DNER: variants seen among roughly 807,000 people sequenced by gnomAD.
DNER encodes delta/notch like EGF repeat containing.
DNER carries 33 observed loss-of-function variants against 78.2 expected under a neutral mutation model. The observed-to-expected ratio is 0.42, with a 90% CI of 0.32 to 0.56. The LOEUF is 0.56. DNER is among the 20% of genes least tolerant of loss of function. The pLI is 0.11. For synonymous variants in DNER, 417 were observed against 384.8 expected, an observed-to-expected ratio of 1.08 and a Z score of -0.98; for missense variants, 918 against 975.3, an observed-to-expected ratio of 0.94 and a Z score of 0.78.
At chr2:229,710,191 C>T (rs1371572027) in intron 1 of DNER, among the ~76,000 whole-genome samples, 1 of 152,150 alleles carries the variant, frequency 6.6e-6, no homozygotes, top group Non-Finnish European at 1.5e-5. Flanking sequence ...CCTTTTTATT[C>T]CAGCTGAGCA....
chr2:229,609,963 T>G (rs78003892), intron 1 of DNER, among the ~76,000 whole-genome samples: 6,771 of 152,260 alleles, frequency 0.044, 455 homozygotes, highest in African/African-American at 0.15. Flanking sequence ...TTTTATCACA[T>G]AAAAGTTTTT....
chr2:229,576,528 AAC>A lies in DNER; in HGVS notation c.847+9328_847+9329del, dbSNP rs201685027. On this transcript the variant is annotated intron_variant, in intron 4 of 12. Transcript: ENST00000341772. ...TAACTTTTACATAGGAACAAAATTT[AAC>A]CAGTCAAGTGACGAACATGTGGTCA... Among the ~76,000 whole-genome samples the A allele has an allele frequency of 7.0e-3, 1,068 of 152,324 alleles. 4 individuals carry two copies. Among genetic ancestry groups the A allele is most frequent in the Middle Eastern group, 0.014 (4 of 294 alleles).
chr2:229,525,656 G>A (rs758355920), intron 5 of DNER, among the ~76,000 whole-genome samples: 6 of 152,064 alleles, frequency 3.9e-5, no homozygotes, highest in Admixed American at 6.6e-5. Flanking sequence ...CTTGTTGCCT[G>A]GGCGGGAGTG....
At chr2:229,378,406 A>G (rs1486831388) in intron 11 of DNER, among the ~76,000 whole-genome samples, 2 of 152,190 alleles carry the variant, frequency 1.3e-5, no homozygotes, top group African/African-American at 4.8e-5. Context: ...AGCTCCAGGC[A>G]TAGGGAACAG....
intron 6 of DNER, among the ~76,000 whole-genome samples, chr2:229,482,987 G>A (rs1338531820): frequency 6.6e-6 from 1 of 152,122 alleles, no homozygotes; most frequent in Non-Finnish European, 1.5e-5. Flanking sequence ...AACCTTAGTG[G>A]GAGTTACCAA....
At chr2:229,542,134 G>A (rs975207362) in intron 5 of DNER, among the ~76,000 whole-genome samples, 1 of 151,864 alleles carries the variant, frequency 6.6e-6, no homozygotes, top group Admixed American at 6.6e-5. Context: ...AGAGCCCCGT[G>A]CTGATGCCCT....
chr2:229,620,773 T>C (rs1397635388), intron 1 of DNER, among the ~76,000 whole-genome samples: 1 of 152,152 alleles, frequency 6.6e-6, no homozygotes, highest in African/African-American at 2.4e-5. Context: ...GACAAAGTCT[T>C]TAAGGGGTGA....
rs1698429240 is a variant in DNER, at chr2:229,631,268, G to T, written c.277-39380C>A. ...TAAAGACATTGGCTGGCCTGGAAAA[G>T]ACCAGCTAACTTACGCATGGGGCTT... On this transcript the variant is annotated intron_variant, in intron 1 of 12. Transcript: ENST00000341772. 2.6e-5 allele frequency among the ~76,000 whole-genome samples: 4 copies of T among 152,202 alleles called. No homozygotes were observed. The South Asian group carries it at 8.3e-4, about 32-fold the overall frequency.
At chr2:229,578,609 C>G (rs573106290) in intron 4 of DNER, among the ~76,000 whole-genome samples, 13 of 152,236 alleles carry the variant, frequency 8.5e-5, no homozygotes, top group African/African-American at 3.1e-4. Context: ...GAACTTTTCC[C>G]CCTTTCAATA....
intron 7 of DNER, among the ~76,000 whole-genome samples, chr2:229,456,676 T>C (rs1694581136): frequency 1.3e-5 from 2 of 152,038 alleles, no homozygotes. Flanking sequence ...GTCACCTCTA[T>C]AGAAAATTCC....
At chr2:229,500,467 A>C (rs1695595655) in intron 6 of DNER, among the ~76,000 whole-genome samples, 1 of 152,228 alleles carries the variant, frequency 6.6e-6, no homozygotes, top group East Asian at 1.9e-4. Context: ...TATGAAAAAC[A>C]GTATTTAAGT....
intron 11 of DNER, among the ~76,000 whole-genome samples, chr2:229,385,573 C>T (rs1302074306): frequency 6.6e-6 from 1 of 152,126 alleles, no homozygotes; most frequent in Non-Finnish European, 1.5e-5. Context: ...TTAGAAAGCC[C>T]CATTGTCTCA....
chr2:229,400,020 C>A (rs1693234617), intron 10 of DNER, among the ~76,000 whole-genome samples: 1 of 151,922 alleles, frequency 6.6e-6, no homozygotes, highest in African/African-American at 2.4e-5. Flanking sequence ...AAACACAATA[C>A]TCTAGTTCAT....
At chr2:229,509,032 A>G (rs909109861) in intron 6 of DNER, among the ~76,000 whole-genome samples, 3 of 152,246 alleles carry the variant, frequency 2.0e-5, no homozygotes, top group Non-Finnish European at 4.4e-5. Flanking sequence ...CTATAAGGTT[A>G]GTTGTCAGAA....
Position 229,358,469 on chromosome 2 carries a change from C to T in DNER, c.*71G>A. The stretch of plus-strand genomic sequence containing the variant: ...CAGCTAGCATTTTAAATTTCTTAAG[C>T]TTTTTATTTTCTTAAAAATATTTAA... On this transcript the variant is annotated 3_prime_UTR_variant, in exon 13 of 13. Coordinates refer to ENST00000341772, the MANE Select transcript of DNER (RefSeq NM_139072.4). The T allele has an allele frequency of 8.2e-7, 1 of 1,221,446 alleles. No individual in the cohort carries two copies. The highest frequency in any genetic ancestry group is 1.1e-6 in the Non-Finnish European group (1 of 901,742). 75.7% of individuals were successfully genotyped at this position (1,221,446 alleles called of 1,614,324 possible).
chr2:229,503,905 C>T (rs1425948009), intron 6 of DNER, among the ~76,000 whole-genome samples: 6 of 152,090 alleles, frequency 3.9e-5, no homozygotes, highest in African/African-American at 1.4e-4. Context: ...ACATGCCCAG[C>T]TAATTTTTGA....
intron 8 of DNER, 59 bp from the exon 9 acceptor site, chr2:229,418,289 A>C (rs1574834625): frequency 1.2e-6 from 2 of 1,607,948 alleles, no homozygotes. Context: ...CCCACGCGGG[A>C]CCAGCCTGCA....
chr2:229,494,799 A>C (rs953002669), intron 6 of DNER, among the ~76,000 whole-genome samples: 33 of 152,162 alleles, frequency 2.2e-4, no homozygotes, highest in African/African-American at 8.0e-4. Flanking sequence ...TTCACAGCTG[A>C]ATAGCTCTAT....
chr2:229,541,306 G>C (rs1273219834), intron 5 of DNER, among the ~76,000 whole-genome samples: 1 of 151,514 alleles, frequency 6.6e-6, no homozygotes, highest in Admixed American at 6.6e-5. Flanking sequence ...GGTAGAAAGG[G>C]GGCAATAGGG....
Sources: allele counts gnomAD v4.1 joint callset (sites outside exome capture counted in the v4.1 genomes callset), GRCh38; gene constraint gnomAD v4.1.1; transcripts MANE v1.5; gene names NCBI Gene and HGNC (gene_info 2026-07-23, HGNC 2026-07-21).